Variants in BBS9 observed in about 807,000 individuals in gnomAD.
BBS9 encodes protein PTHB1.
BBS9 carries 89 observed loss-of-function variants against 117.7 expected under a neutral mutation model. The ratio of observed to expected loss-of-function variants is 0.76; its 90% CI spans 0.64 to 0.90. The LOEUF is 0.90. Among genes scored for constraint, BBS9 ranks in the 40% least tolerant of loss-of-function variants. BBS9 has a pLI of 0.00. For missense variants in BBS9, 982 were observed against 1,042.2 expected, an observed-to-expected ratio of 0.94 and a Z score of 0.80; for synonymous variants, 379 against 370.9, an observed-to-expected ratio of 1.02 and a Z score of -0.25.
At chr7:33,492,316 A>T (rs1252183423) in intron 19 of BBS9, among the ~76,000 whole-genome samples, 2 of 151,850 alleles carry the variant, frequency 1.3e-5, no homozygotes, top group Non-Finnish European at 2.9e-5. Flanking sequence ...TGTGCTAGCC[A>T]CCGTGACAAA....
intron 21 of BBS9, among the ~76,000 whole-genome samples, chr7:33,620,975 A>T (rs1033920938): frequency 5.3e-5 from 8 of 152,218 alleles, no homozygotes; most frequent in Non-Finnish European, 8.8e-5. Context: ...TATTAAGAAT[A>T]CACAATGGAG....
In BBS9 at chr7:33,518,961, T is replaced by C. The variant is rs528830002; in HGVS notation, c.2298+13316T>C. 7.2e-5 allele frequency among the ~76,000 whole-genome samples: 11 copies of C among 152,232 alleles called. No homozygotes were observed. The South Asian group carries it at 1.9e-3, about 26-fold the overall frequency. On this transcript the variant is annotated intron_variant, in intron 20 of 22. Coordinates refer to ENST00000242067, the MANE Select transcript of BBS9 (RefSeq NM_198428.3). ...AGAAAATAGAAATAGAAATCTAGCA[T>C]ATGGACCTTCTGGAACTGTTTCATA...
chr7:33,347,228 A>G (rs916366923), intron 12 of BBS9, among the ~76,000 whole-genome samples: 4 of 152,172 alleles, frequency 2.6e-5, no homozygotes, highest in Admixed American at 2.6e-4. Context: ...GGTTCCATGA[A>G]TATAGAAAAT....
At chr7:33,332,909 A>AT (rs1365041692) in intron 9 of BBS9, among the ~76,000 whole-genome samples, 1 of 152,122 alleles carries the variant, frequency 6.6e-6, no homozygotes, top group African/African-American at 2.4e-5. Context: ...GTTCTGTGGC[A>AT]TTAGGTACAT....
chr7:33,355,884 T>C (rs939298007), intron 15 of BBS9, among the ~76,000 whole-genome samples: 1 of 151,888 alleles, frequency 6.6e-6, no homozygotes, highest in East Asian at 1.9e-4. Flanking sequence ...GTTGATTATA[T>C]TTAATTTTTT....
At position 33,183,474 on chromosome 7, in the gene BBS9, T is replaced by A. The variant is rs147746285; in HGVS notation, c.442+5883T>A. Among the ~76,000 whole-genome samples the A allele has an allele frequency of 3.7e-3, 567 of 152,300 alleles. 11 individuals are homozygous for A. In the South Asian group the frequency reaches 0.045, roughly 12 times the overall value. On this transcript the variant is annotated intron_variant, in intron 5 of 22. Transcript: ENST00000242067. ...AACCATAGTGCTCCTTAAAAAAAATTCCTTATAAACCTCTTATTACCCTAC... is the reference window on the plus strand; with the variant it reads ...AACCATAGTGCTCCTTAAAAAAAATACCTTATAAACCTCTTATTACCCTAC...
chr7:33,553,906 T>C (rs1854863275), intron 21 of BBS9, among the ~76,000 whole-genome samples: 2 of 151,892 alleles, frequency 1.3e-5, no homozygotes, highest in Admixed American at 6.6e-5. Flanking sequence ...CAACTAAACA[T>C]GAGAATTGCA....
chr7:33,153,225 T>C (rs12536300), intron 3 of BBS9, among the ~76,000 whole-genome samples: 41,540 of 152,110 alleles, frequency 0.27, 6,461 homozygotes, highest in Admixed American at 0.42. Flanking sequence ...GGTTCATAGC[T>C]TTGAGGTTTT....
chr7:33,600,363 G>T (rs1379771180), intron 21 of BBS9, among the ~76,000 whole-genome samples: 1 of 150,246 alleles, frequency 6.7e-6, no homozygotes, highest in Non-Finnish European at 1.5e-5. Flanking sequence ...TTTTACAAAA[G>T]TATTGGTTTA....
intron 20 of BBS9, among the ~76,000 whole-genome samples, chr7:33,525,892 G>T (rs1352528623): frequency 3.3e-5 from 5 of 151,662 alleles, no homozygotes; most frequent in African/African-American, 9.7e-5. Context: ...GGTACAGGTT[G>T]TTCCTTTCCA....
At chr7:33,362,379 TAGA>T (rs1243677601) in intron 16 of BBS9, among the ~76,000 whole-genome samples, 2 of 152,172 alleles carry the variant, frequency 1.3e-5, no homozygotes. Flanking sequence ...TTTTTTTTGA[TAGA>T]AGTTTTCTAG....
rs1172113342 is a variant in BBS9 at position 33,361,306 on chromosome 7, C to T, written c.1693+3311C>T. Among the ~76,000 whole-genome samples the T allele has an allele frequency of 2.6e-5, 4 of 152,080 alleles. No individual in the cohort carries two copies. In the East Asian group the frequency reaches 7.7e-4, roughly 29 times the overall value. ...AGATAAAATGTCATTTGATAATAGT[C>T]TTTTATGTTGCTCAAGTATGTTTCT... is the stretch of plus-strand genomic sequence containing the variant. On this transcript the variant is annotated intron_variant, in intron 16 of 22. Coordinates refer to ENST00000242067, the MANE Select transcript of BBS9 (RefSeq NM_198428.3).
At chr7:33,288,771 G>A (rs760568222) in intron 9 of BBS9, among the ~76,000 whole-genome samples, 70 of 152,136 alleles carry the variant, frequency 4.6e-4, no homozygotes, top group Non-Finnish European at 8.8e-4. Context: ...GATGATAATA[G>A]CAATTTGTAT....
At chr7:33,462,079 A>C (rs991364663) in intron 19 of BBS9, among the ~76,000 whole-genome samples, 1 of 152,050 alleles carries the variant, frequency 6.6e-6, no homozygotes, top group Non-Finnish European at 1.5e-5. Flanking sequence ...TAGGGTAGGA[A>C]CACTAGGTTA....
intron 17 of BBS9, among the ~76,000 whole-genome samples, chr7:33,378,668 G>A (rs2128737955): frequency 6.6e-6 from 1 of 152,316 alleles, no homozygotes; most frequent in South Asian, 2.1e-4. Context: ...GAGCTCCATA[G>A]GCAGCTGAGG....
intron 9 of BBS9, among the ~76,000 whole-genome samples, chr7:33,317,262 T>C (rs914755506): frequency 4.1e-4 from 63 of 152,206 alleles, no homozygotes; most frequent in Admixed American, 4.1e-3. Context: ...TGTAGATTTA[T>C]AGTGTATCTT....
intron 5 of BBS9, among the ~76,000 whole-genome samples, chr7:33,198,077 C>T (rs1375111723): frequency 6.6e-6 from 1 of 151,838 alleles, no homozygotes; most frequent in African/African-American, 2.4e-5. Flanking sequence ...ATGTTTCTAC[C>T]TAAGTTAAAA....
At chr7:33,456,479 G>A (rs1018034006) in intron 19 of BBS9, among the ~76,000 whole-genome samples, 38 of 151,896 alleles carry the variant, frequency 2.5e-4, no homozygotes, top group African/African-American at 7.7e-4. Flanking sequence ...ATTTATATTA[G>A]TCTAATACAA....
intron 5 of BBS9, among the ~76,000 whole-genome samples, chr7:33,231,966 A>G (rs917558199): frequency 4.6e-5 from 7 of 152,224 alleles, no homozygotes; most frequent in African/African-American, 1.4e-4. Flanking sequence ...TGTGACAACC[A>G]CTGGGGGACA....
Sources: gnomAD v4.1 joint callset for allele counts (sites outside exome capture counted in the v4.1 genomes callset) on GRCh38, gnomAD v4.1.1 for gene constraint, MANE v1.5 for transcripts, NCBI Gene and HGNC (gene_info 2026-07-23, HGNC 2026-07-21) for gene names.